The following RNASE9 variants were observed in gnomAD, a reference collection of about 807,000 sequenced individuals.
RNASE9 encodes the protein inactive ribonuclease-like protein 9.
For synonymous variants in RNASE9, 95 were observed against 87.6 expected (o/e 1.08, Z -0.47); for missense variants, 263 against 247.1 (o/e 1.06, Z -0.43).
exon 3 of RNASE9, chr14:20,556,210 C>A (rs1461419718): frequency 6.8e-6 from 3 of 441,608 alleles, no homozygotes; most frequent in Middle Eastern, 1.2e-3. Context: ...CCTTCCACTG[C>A]AGGCATCTGT....
chr14:20,559,584 G>A (rs1301081177), exon 2 of RNASE9: 4 of 152,168 alleles, frequency 2.6e-5, no homozygotes, highest in Non-Finnish European at 5.9e-5. Context: ...TGGCCTACCT[G>A]TGGAATGCAG....
exon 3 of RNASE9, chr14:20,558,243 T>C: frequency 1.9e-6 from 1 of 515,468 alleles, no homozygotes; most frequent in East Asian, 3.3e-5. Context: ...CTAACAGTCA[T>C]TACCTGGAGA....
At chr14:20,559,055 T>C (rs1449148503) in intron 2 of RNASE9, among the ~76,000 whole-genome samples, 1 of 152,166 alleles carries the variant, frequency 6.6e-6, no homozygotes, top group African/African-American at 2.4e-5. Context: ...TTAATAATTC[T>C]GTTTCTGAAC....
exon 3 of RNASE9, chr14:20,557,281 G>C: frequency 2.0e-6 from 1 of 492,022 alleles, no homozygotes; most frequent in Non-Finnish European, 3.5e-6. Flanking sequence ...TCAGTCTAGA[G>C]CTGTGGTAAG....
chr14:20,557,182 A>G, exon 3 of RNASE9: 2 of 1,155,344 alleles, frequency 1.7e-6, no homozygotes, highest in Admixed American at 2.6e-5. Context: ...TCTGGGCTCT[A>G]AGATTTTGGA....
At position 20,557,990 on chromosome 14, in the gene RNASE9, C is replaced by T. The variant is rs530381087; in HGVS notation, c.-921G>A. On this transcript the variant is annotated 5_prime_UTR_variant, in exon 3 of 3. Transcript: ENST00000555230. ...CTGTCCTTAGCTGCTATTCTATGGC[C>T]TCTATCAGTCTGGTTTCCCTTCTTA... 6.2e-5 allele frequency: 10 copies of T among 162,376 alleles called. No individual in the cohort carries two copies. The East Asian group carries it at 1.5e-3, about 25-fold the overall frequency. 10.1% of individuals were successfully genotyped at this position (162,376 alleles called of 1,614,324 possible).
rs1218311423 is a variant in RNASE9 at position 20,560,854 on chromosome 14, A to G, written c.-1634+20T>C. 6.6e-6 allele frequency: 1 copy of G among 152,190 alleles called. No individual in the cohort carries two copies. The highest frequency in any genetic ancestry group is 1.5e-5 in the Non-Finnish European group (1 of 68,016). 9.4% of individuals were successfully genotyped at this position (152,190 alleles called of 1,614,324 possible). On this transcript the variant is annotated intron_variant, in intron 1 of 2. Transcript: ENST00000555230. ...CTAGGACTCTCTGGTTGACAGTGAGAAAAATTCCAAACAAATTACCTTAAA... is the reference window on the plus strand; with the variant it reads ...CTAGGACTCTCTGGTTGACAGTGAGGAAAATTCCAAACAAATTACCTTAAA...
At chr14:20,556,789 T>C (rs571759101) in exon 3 of RNASE9, 2 of 1,613,752 alleles carry the variant, frequency 1.2e-6, no homozygotes, top group Non-Finnish European at 1.7e-6. Context: ...ACGGTGTTTG[T>C]AGTAAACATT....
chr14:20,558,482 G>A (rs555834790), exon 3 of RNASE9: 2 of 1,226,518 alleles, frequency 1.6e-6, no homozygotes, highest in Admixed American at 2.0e-5. Flanking sequence ...CTCTGGGGCG[G>A]CCATGTGCCA....
chr14:20,559,329 C>T (rs987591472), intron 2 of RNASE9, among the ~76,000 whole-genome samples: 6 of 151,766 alleles, frequency 4.0e-5, no homozygotes, highest in Non-Finnish European at 7.4e-5. Context: ...ATGTTCACTG[C>T]GGAGACAAAC....
At chr14:20,558,526 C>A (rs1318642146) in exon 3 of RNASE9, 4 of 1,533,854 alleles carry the variant, frequency 2.6e-6, no homozygotes, top group Admixed American at 3.9e-5. Context: ...TTCCTCCCAT[C>A]CCTGCTTTCA....
intron 1 of RNASE9, among the ~76,000 whole-genome samples, chr14:20,560,182 G>A (rs1478223157): frequency 6.6e-6 from 1 of 151,914 alleles, no homozygotes; most frequent in Admixed American, 6.6e-5. Context: ...ATTTAAAACT[G>A]ATTTAAATTA....
At chr14:20,558,099 A>G (rs1017835436) in exon 3 of RNASE9, 1 of 260,134 alleles carries the variant, frequency 3.8e-6, no homozygotes, top group Non-Finnish European at 7.6e-6. Context: ...TTGAGCCCCT[A>G]GAGTGCTTTG....
chr14:20,556,745 A>T, exon 3 of RNASE9: 1 of 1,614,018 alleles, frequency 6.2e-7, no homozygotes, highest in South Asian at 1.1e-5. Context: ...AGCTCGTCAT[A>T]TTGCATAAGA....
exon 3 of RNASE9, chr14:20,558,481 G>T: frequency 8.4e-7 from 1 of 1,191,116 alleles, no homozygotes; most frequent in Non-Finnish European, 1.2e-6. Flanking sequence ...ACTCTGGGGC[G>T]GCCATGTGCC....
exon 3 of RNASE9, chr14:20,556,503 A>C: frequency 6.2e-7 from 1 of 1,613,634 alleles, no homozygotes; most frequent in Non-Finnish European, 8.5e-7. Flanking sequence ...TTCTGTGTTC[A>C]GGTGGCTCCA....
exon 3 of RNASE9, chr14:20,556,791 G>A (rs1320973021): frequency 3.7e-6 from 6 of 1,613,612 alleles, no homozygotes; most frequent in Non-Finnish European, 5.1e-6. Flanking sequence ...GGTGTTTGTA[G>A]TAAACATTTT....
intron 2 of RNASE9, among the ~76,000 whole-genome samples, chr14:20,559,153 G>C (rs1883843351): frequency 6.6e-6 from 1 of 151,568 alleles, no homozygotes; most frequent in African/African-American, 2.4e-5. Flanking sequence ...TGGTCTCACA[G>C]TGTTGCCTCG....
chr14:20,560,684 G>A (rs1304150606), intron 1 of RNASE9, among the ~76,000 whole-genome samples, 190 bp downstream of exon 1: 3 of 151,856 alleles, frequency 2.0e-5, no homozygotes, highest in Non-Finnish European at 4.4e-5. Context: ...TCATAGAATT[G>A]TATATTCTTA....
Sources: gnomAD v4.1 joint callset for allele counts (sites outside exome capture counted in the v4.1 genomes callset) on GRCh38, gnomAD v4.1.1 for gene constraint, MANE v1.5 for transcripts, NCBI Gene and HGNC (gene_info 2026-07-23, HGNC 2026-07-21) for gene names.